TBC1D24: variants seen among roughly 807,000 people sequenced by gnomAD.
TBC1D24 encodes TBC1 domain family member 24, also known as Infantile myoclonic epilepsy.
Under a neutral mutation model 50.7 loss-of-function variants are expected in TBC1D24, and 47 were observed. The observed-to-expected ratio is 0.93, with a 90% CI of 0.73 to 1.18. The LOEUF is 1.18. TBC1D24 is among the 50% of genes most tolerant of loss of function. TBC1D24 has a pLI of 0.00. For missense variants in TBC1D24, 688 were observed against 766.5 expected (o/e 0.90, Z 1.21); for synonymous variants, 324 against 335.2 (o/e 0.97, Z 0.36).
At position 2,501,682 on chromosome 16, in the gene TBC1D24, G is replaced by A. The variant is rs1352826942; in HGVS notation, c.*724G>A. The A allele has an allele frequency of 1.3e-5, 2 of 152,658 alleles. No homozygotes were observed. The allele number at this position is 152,658 out of a possible 1,614,324, so 9.5% of individuals were successfully genotyped here. On this transcript the variant is annotated 3_prime_UTR_variant, in exon 8 of 8. Coordinates refer to ENST00000646147, the MANE Select transcript of TBC1D24 (RefSeq NM_001199107.2). ...CCAGGGAGGGTGGGAGCTGGAGGGG[G>A]ATGTCACATGTCCTTGTGTTTCTGC...
intron 1 of TBC1D24, among the ~76,000 whole-genome samples, chr16:2,494,343 C>T (rs557598997): frequency 1.3e-5 from 2 of 149,946 alleles, no homozygotes; most frequent in African/African-American, 4.9e-5. Context: ...GCCCGGGAGG[C>T]GGAAGTTGCA....
At position 2,500,142 on chromosome 16, in the gene TBC1D24, C is replaced by T. The variant is rs922518379; in HGVS notation, c.1303-126C>T. 10 of 1,075,368 alleles carry T rather than the reference C, an allele frequency of 9.3e-6. No homozygotes were observed. The African/African-American group carries it at 1.6e-4, about 17-fold the overall frequency. 66.6% of individuals were successfully genotyped at this position (1,075,368 alleles called of 1,614,324 possible). A position where few individuals can be genotyped will look rare whatever the true frequency, so the allele number is the denominator to read the frequency against. On this transcript the variant is annotated intron_variant, in intron 6 of 7. Transcript: ENST00000646147. The surrounding 1 kb of genome is among the most constrained non-coding windows in gnomAD (Gnocchi z 8.0). ...TGCTCGAGCCACCAGCTCCCCAGCC[C>T]CTGGCTCGGGCTGCACCCACCTTGG...
Position 2,505,455 on chromosome 16 carries a change from G to A in TBC1D24, c.*4497G>A, listed in dbSNP as rs1431735404. The stretch of plus-strand genomic sequence containing the variant: ...GAACTGGCAAAAACATTGGCATTTG[G>A]TCAAATGCTTATGAGCTAAGGATAG... On this transcript the variant is annotated 3_prime_UTR_variant, in exon 8 of 8. Coordinates refer to ENST00000646147, the MANE Select transcript of TBC1D24 (RefSeq NM_001199107.2). The A allele has an allele frequency of 6.6e-6, 1 of 152,198 alleles. No individual in the cohort carries two copies. The highest frequency in any genetic ancestry group is 1.5e-5 in the Non-Finnish European group (1 of 68,038). The allele number at this position is 152,198 out of a possible 1,614,324, so 9.4% of individuals were successfully genotyped here. A position where few individuals can be genotyped will look rare whatever the true frequency, so the allele number is the denominator to read the frequency against.
intron 1 of TBC1D24, chr16:2,481,105 G>A (rs1377735525): frequency 6.6e-6 from 1 of 152,478 alleles, no homozygotes; most frequent in East Asian, 1.9e-4. Flanking sequence ...TTGGCGCTGG[G>A]AAAGCACCGT....
chr16:2,497,986 AT>A, intron 3 of TBC1D24, among the ~76,000 whole-genome samples: 1 of 152,228 alleles, frequency 6.6e-6, no homozygotes, highest in African/African-American at 2.4e-5. Context: ...CTCTGTCCTG[AT>A]TTCTTAGAGA....
intron 1 of TBC1D24, chr16:2,478,755 CAG>C (rs1225269470): frequency 2.0e-5 from 3 of 151,592 alleles, no homozygotes; most frequent in Non-Finnish European, 1.5e-5. Context: ...TTTGTTGAGA[CAG>C]GGTCTCGCTC....
intron 1 of TBC1D24, among the ~76,000 whole-genome samples, chr16:2,488,010 C>T (rs896066679): frequency 6.6e-6 from 1 of 152,248 alleles, no homozygotes; most frequent in African/African-American, 2.4e-5. Context: ...CCAGCTGCCC[C>T]GCTGGGGCCC....
At position 2,501,011 on chromosome 16, in the gene TBC1D24, C is replaced by T; in HGVS notation, c.*53C>T. On this transcript the variant is annotated 3_prime_UTR_variant, in exon 8 of 8. Transcript: ENST00000646147. ...GGTGGGGCGGTGGGCCGAGGCTGGG[C>T]TGCCGCCTCGGGCAGCAGAGAGCAG... 6.3e-7 allele frequency: 1 copy of T among 1,599,006 alleles called. No homozygotes were observed. The highest frequency in any genetic ancestry group is 8.5e-7 in the Non-Finnish European group (1 of 1,177,692).
Position 2,487,072 on chromosome 16 carries a change from C to T in TBC1D24, c.-115-8962C>T, listed in dbSNP as rs1055291804. Among the ~76,000 whole-genome samples the T allele has an allele frequency of 9.9e-5, 15 of 152,238 alleles. No individual in the cohort carries two copies. Among genetic ancestry groups the T allele is most frequent in the African/African-American group, 3.4e-4 (14 of 41,466 alleles). On this transcript the variant is annotated intron_variant, in intron 1 of 7. Transcript: ENST00000646147. The surrounding 1 kb of genome is among the most constrained non-coding windows in gnomAD (Gnocchi z 4.1). The stretch of plus-strand genomic sequence containing the variant: ...TCCTCCTACCCCGTGTGGGGACACC[C>T]GCCTCTTAGCGCATCCCAGCCCCTC...
chr16:2,477,706 C>T (rs2065579629), intron 1 of TBC1D24: 1 of 152,056 alleles, frequency 6.6e-6, no homozygotes, highest in Non-Finnish European at 1.5e-5. Context: ...AGAATAAACA[C>T]ATGGTAGAAG....
rs1244032016 is a variant in TBC1D24, at chr16:2,475,607, C to T, written c.-116+437C>T. ...CTGTGGACCTGCAGCGGCCCCGGGC[C>T]CCGCCCCGCCCCGCCCAGGGATGAC... On this transcript the variant is annotated intron_variant, in intron 1 of 7. Coordinates refer to ENST00000646147, the MANE Select transcript of TBC1D24 (RefSeq NM_001199107.2). The surrounding 1 kb of genome is among the most constrained non-coding windows in gnomAD (Gnocchi z 4.2). Among the ~76,000 whole-genome samples, 1 of 152,008 alleles carries T rather than the reference C, an allele frequency of 6.6e-6. No individual in the cohort carries two copies. The highest frequency in any genetic ancestry group is 2.4e-5 in the African/African-American group (1 of 41,378).
rs1184291073 is a variant in TBC1D24, at chr16:2,503,842, G to A, written c.*2884G>A. 1 of 152,092 alleles carries A rather than the reference G, an allele frequency of 6.6e-6. No individual in the cohort carries two copies. The highest frequency in any genetic ancestry group is 1.5e-5 in the Non-Finnish European group (1 of 68,030). The allele number at this position is 152,092 out of a possible 1,614,324, so 9.4% of individuals were successfully genotyped here. A position where few individuals can be genotyped will look rare whatever the true frequency, so the allele number is the denominator to read the frequency against. ...CCCAAAGTGCTGGGATTACAGGCGT[G>A]AGCCACCGCGCCTAGCCTATTTTTT... On this transcript the variant is annotated 3_prime_UTR_variant, in exon 8 of 8. Coordinates refer to ENST00000646147, the MANE Select transcript of TBC1D24 (RefSeq NM_001199107.2).
rs1350525157 is a variant in TBC1D24, at chr16:2,502,285, G to A, written c.*1327G>A. 6.6e-6 allele frequency: 1 copy of A among 152,378 alleles called. No homozygotes were observed. The highest frequency in any genetic ancestry group is 6.5e-5 in the Admixed American group (1 of 15,292). 9.4% of individuals were successfully genotyped at this position (152,378 alleles called of 1,614,324 possible). On this transcript the variant is annotated 3_prime_UTR_variant, in exon 8 of 8. Transcript: ENST00000646147. ...CTTGTGACCTCCCTCCATGCCCCATGACCTCCTTCAACTCGTCTTGAGGGT... is the reference window on the plus strand; with the variant it reads ...CTTGTGACCTCCCTCCATGCCCCATAACCTCCTTCAACTCGTCTTGAGGGT...
chr16:2,498,539 T>C, intron 4 of TBC1D24, 143 bp downstream of exon 4: 1 of 821,912 alleles, frequency 1.2e-6, no homozygotes, highest in Non-Finnish European at 1.9e-6. Context: ...GGTCCCTTTC[T>C]GGGCTCTGTC....
chr16:2,499,699 C>T lies in TBC1D24; in HGVS notation c.1207-136C>T, dbSNP rs566967064. The T allele has an allele frequency of 2.9e-4, 248 of 857,862 alleles. No individual in the cohort carries two copies. The highest frequency in any genetic ancestry group is 5.0e-5 in the Non-Finnish European group (25 of 498,900). 53.1% of individuals were successfully genotyped at this position (857,862 alleles called of 1,614,324 possible). On this transcript the variant is annotated intron_variant, in intron 5 of 7. Transcript: ENST00000646147. The surrounding 1 kb of genome is among the most constrained non-coding windows in gnomAD (Gnocchi z 4.0). ...CAACACTGCCTTTCCCACACCACTCCTGCCCTGGGGTGGGGGTGGGAGACG... is the reference window on the plus strand; with the variant it reads ...CAACACTGCCTTTCCCACACCACTCTTGCCCTGGGGTGGGGGTGGGAGACG...
chr16:2,491,153 C>A (rs925064933), intron 1 of TBC1D24, among the ~76,000 whole-genome samples: 3 of 152,136 alleles, frequency 2.0e-5, no homozygotes, highest in Non-Finnish European at 4.4e-5. Flanking sequence ...AAAGGTTTGG[C>A]AGGATATATA....
Position 2,499,230 on chromosome 16 carries a change from G to C in TBC1D24, c.1143-127G>C, listed in dbSNP as rs1011840907. 1 of 842,262 alleles carries C rather than the reference G, an allele frequency of 1.2e-6. No individual in the cohort carries two copies. Among genetic ancestry groups the C allele is most frequent in the Non-Finnish European group, 2.0e-6 (1 of 505,086 alleles). The allele number at this position is 842,262 out of a possible 1,614,324, so 52.2% of individuals were successfully genotyped here. A position where few individuals can be genotyped will look rare whatever the true frequency, so the allele number is the denominator to read the frequency against. On this transcript the variant is annotated intron_variant, in intron 4 of 7. Transcript: ENST00000646147. This position sits in a 1 kb window ranked among gnomAD's most constrained non-coding sequence, Gnocchi z 4.0. ...AGAACACCTGGGTGAGGGTGTTGTCGGGACCCAGAGAGAAGGAAGCACAGT... is the reference window on the plus strand; with the variant it reads ...AGAACACCTGGGTGAGGGTGTTGTCCGGACCCAGAGAGAAGGAAGCACAGT...
At chr16:2,491,115 A>C (rs2065691748) in intron 1 of TBC1D24, among the ~76,000 whole-genome samples, 2 of 152,300 alleles carry the variant, frequency 1.3e-5, no homozygotes, top group East Asian at 3.9e-4. Context: ...AGTTTAAAGA[A>C]AACCTCACTC....
chr16:2,494,105 A>G (rs1183776662), intron 1 of TBC1D24, among the ~76,000 whole-genome samples: 1 of 152,080 alleles, frequency 6.6e-6, no homozygotes, highest in Non-Finnish European at 1.5e-5. Context: ...CTTAGCACAC[A>G]CAGCTGGTTA....
Sources: gnomAD v4.1 joint callset for allele counts (sites outside exome capture counted in the v4.1 genomes callset) on GRCh38, gnomAD v4.1.1 for gene constraint, Gnocchi (gnomAD v3.1) non-coding constraint, MANE v1.5 for transcripts, NCBI Gene and HGNC (gene_info 2026-07-23, HGNC 2026-07-21) for gene names.